Variants in DENND1A observed in about 807,000 individuals in gnomAD.
The protein encoded by DENND1A is DENN domain-containing protein 1A.
A neutral mutation model predicts 113.7 loss-of-function variants in DENND1A; 51 were observed. The observed-to-expected ratio is 0.45, with a 90% CI of 0.36 to 0.57. DENND1A has a LOEUF of 0.57. DENND1A is among the 20% of genes least tolerant of loss of function. The pLI, the probability that DENND1A is intolerant of heterozygous loss-of-function variation, is 0.00. For missense variants in DENND1A, 1,258 were observed against 1,395.9 expected, an observed-to-expected ratio of 0.90 and a Z score of 1.57; for synonymous variants, 565 against 570.8, an observed-to-expected ratio of 0.99 and a Z score of 0.14.
chr9:123,428,409 G>C (rs1472912860), intron 19 of DENND1A, among the ~76,000 whole-genome samples: 3 of 152,026 alleles, frequency 2.0e-5, no homozygotes, highest in Non-Finnish European at 2.9e-5. Context: ...CCTCAAAATA[G>C]TAAGAGCCAT....
chr9:123,430,365 T>A (rs1183628263), intron 19 of DENND1A, among the ~76,000 whole-genome samples: 1 of 152,196 alleles, frequency 6.6e-6, no homozygotes, highest in African/African-American at 2.4e-5. Context: ...TCAATTATTC[T>A]ACTATAAAGA....
At chr9:123,432,537 G>C (rs949654085) in intron 19 of DENND1A, among the ~76,000 whole-genome samples, 1 of 152,248 alleles carries the variant, frequency 6.6e-6, no homozygotes, top group African/African-American at 2.4e-5. Context: ...GAGCTGGAGG[G>C]AGCGGAGTGG....
chr9:123,439,222 T>C (rs1296767684), intron 19 of DENND1A, among the ~76,000 whole-genome samples: 1 of 152,262 alleles, frequency 6.6e-6, no homozygotes, highest in Non-Finnish European at 1.5e-5. Flanking sequence ...CCCTGTGGAT[T>C]CTTCTTTCTT....
At chr9:123,758,065 T>C (rs1367072632) in intron 4 of DENND1A, among the ~76,000 whole-genome samples, 1 of 151,876 alleles carries the variant, frequency 6.6e-6, no homozygotes, top group African/African-American at 2.4e-5. Flanking sequence ...ACCTTCTCCT[T>C]ACTGAGTTCA....
At chr9:123,502,185 A>G (rs2052545567) in intron 13 of DENND1A, among the ~76,000 whole-genome samples, 1 of 151,482 alleles carries the variant, frequency 6.6e-6, no homozygotes, top group Non-Finnish European at 1.5e-5. Flanking sequence ...TACAGGCTCC[A>G]TATCTCTATC....
At chr9:123,927,581 C>T (rs544532807) in intron 1 of DENND1A, among the ~76,000 whole-genome samples, 30 of 152,208 alleles carry the variant, frequency 2.0e-4, no homozygotes, top group Non-Finnish European at 4.0e-4. Context: ...CCCCATTTTA[C>T]CTTCAGGGAA....
chr9:123,804,831 T>A (rs1340763790), intron 2 of DENND1A, among the ~76,000 whole-genome samples: 2 of 152,188 alleles, frequency 1.3e-5, no homozygotes, highest in Non-Finnish European at 2.9e-5. Flanking sequence ...TAACTACCAA[T>A]AGCTTCCTAA....
intron 8 of DENND1A, among the ~76,000 whole-genome samples, chr9:123,660,162 T>G (rs77596466): frequency 0.23 from 35,659 of 152,136 alleles, 4,664 homozygotes; most frequent in Admixed American, 0.28. Flanking sequence ...AGCTCTGGGC[T>G]CCCTGTCTAA....
chr9:123,848,324 G>A (rs778803244), intron 2 of DENND1A, among the ~76,000 whole-genome samples: 105 of 150,512 alleles, frequency 7.0e-4, no homozygotes, highest in Non-Finnish European at 1.2e-3. Flanking sequence ...CACATTTTGG[G>A]AATTTTTTGC....
intron 21 of DENND1A, among the ~76,000 whole-genome samples, chr9:123,391,761 G>GAAAGA (rs1554794434): frequency 9.1e-6 from 1 of 110,402 alleles, no homozygotes; most frequent in Admixed American, 9.5e-5. Flanking sequence ...GGCAGAATAT[G>GAAAGA]AAAAAAAAAA....
chr9:123,896,180 T>A (rs1850725834), intron 1 of DENND1A, among the ~76,000 whole-genome samples: 1 of 151,882 alleles, frequency 6.6e-6, no homozygotes, highest in Non-Finnish European at 1.5e-5. Flanking sequence ...GGCATGGTGG[T>A]ACACGCCTGT....
chr9:123,394,271 A>G (rs2043005477), intron 21 of DENND1A, among the ~76,000 whole-genome samples: 1 of 152,214 alleles, frequency 6.6e-6, no homozygotes, highest in Non-Finnish European at 1.5e-5. Flanking sequence ...GCGCCTGGCC[A>G]GAGCTGGACT....
intron 21 of DENND1A, among the ~76,000 whole-genome samples, chr9:123,395,474 G>GTGTGTGTGTGTGTGTT (rs1564412266): frequency 1.4e-4 from 19 of 133,966 alleles, no homozygotes; most frequent in African/African-American, 5.2e-4. Context: ...CTCTCTGTGT[G>GTGTGTGTGTGTGTGTT]TGTGTGTGTG....
intron 13 of DENND1A, among the ~76,000 whole-genome samples, chr9:123,508,679 C>T (rs2053182516): frequency 6.6e-6 from 1 of 152,046 alleles, no homozygotes; most frequent in Non-Finnish European, 1.5e-5. Flanking sequence ...GTGGCATGAA[C>T]ATCTAAATAA....
chr9:123,440,201 G>T, intron 19 of DENND1A, 159 bp downstream of exon 19: 1 of 985,184 alleles, frequency 1.0e-6, no homozygotes, highest in Non-Finnish European at 1.4e-6. Flanking sequence ...TGCAAAACAT[G>T]TTTGCACCAA....
chr9:123,693,804 A>ATATTATTAC (rs1554962944), intron 5 of DENND1A, among the ~76,000 whole-genome samples: 1 of 140,206 alleles, frequency 7.1e-6, no homozygotes, highest in Non-Finnish European at 1.5e-5. Context: ...TTCATTAGCT[A>ATATTATTAC]TATTATTATT....
At chr9:123,388,035 T>C (rs999000542) in intron 21 of DENND1A, among the ~76,000 whole-genome samples, 177 bp from the exon 22 acceptor site, 3 of 151,988 alleles carry the variant, frequency 2.0e-5, no homozygotes, top group Non-Finnish European at 4.4e-5. Flanking sequence ...GAAACTAAAT[T>C]TGCCACGTGT....
intron 2 of DENND1A, among the ~76,000 whole-genome samples, chr9:123,801,249 C>CT (rs1159180213): frequency 6.6e-6 from 1 of 152,234 alleles, no homozygotes; most frequent in Non-Finnish European, 1.5e-5. Context: ...ACAATCACCA[C>CT]TATCCATCTC....
chr9:123,821,309 A>G (rs1439275760), intron 2 of DENND1A, among the ~76,000 whole-genome samples: 1 of 152,192 alleles, frequency 6.6e-6, no homozygotes, highest in African/African-American at 2.4e-5. Context: ...GGAAAATTAT[A>G]TATATATCTC....
Sources: allele counts gnomAD v4.1 joint callset (sites outside exome capture counted in the v4.1 genomes callset), GRCh38; gene constraint gnomAD v4.1.1; transcripts MANE v1.5; gene names NCBI Gene and HGNC (gene_info 2026-07-23, HGNC 2026-07-21).